HEXB: variants seen among roughly 807,000 people sequenced by gnomAD.
HEXB encodes hexosaminidase subunit beta.
HEXB carries 51 observed loss-of-function variants against 71.2 expected under a neutral mutation model. The observed-to-expected ratio is 0.72, with a 90% CI of 0.57 to 0.90. The LOEUF is 0.90. Ranked by LOEUF, HEXB falls within the 40% of genes least tolerant of loss-of-function variation. The probability of loss-of-function intolerance (pLI) is 0.00; values close to 1 mark genes in which losing one functional copy is unlikely to be tolerated. For missense variants in HEXB, 617 were observed against 677.0 expected (o/e 0.91, Z 0.98); for synonymous variants, 266 against 249.3 (o/e 1.07, Z -0.63).
At chr5:74,668,699 G>T (rs1469921720) in intron 1 of HEXB, among the ~76,000 whole-genome samples, 1 of 152,198 alleles carries the variant, frequency 6.6e-6, no homozygotes, top group Non-Finnish European at 1.5e-5. Flanking sequence ...GACACATCAA[G>T]ATACAAAGAA....
Position 74,713,601 on chromosome 5 carries a change from T to A in HEXB, c.867T>A (p.Phe289Leu), listed in dbSNP as rs756316442. ...RLRGIRVLPE[F>L]DTPGHTLSWG... The stretch of plus-strand genomic sequence containing the variant: ...GAGGAATTCGAGTCCTGCCAGAATT[T>A]GATACCCCTGGGCATACACTATCTT... Residue 289 changes from phenylalanine to leucine, a missense_variant, in exon 7 of 14, where the codon TTT becomes TTA. Phe to Leu is a conservative substitution (Grantham distance 22, BLOSUM62 0). Coordinates refer to ENST00000261416, the MANE Select transcript of HEXB (RefSeq NM_000521.4). 8 of 1,613,444 alleles carry A rather than the reference T, an allele frequency of 5.0e-6. No homozygotes were observed. In the South Asian group the frequency reaches 8.8e-5, roughly 18 times the overall value.
intron 1 of HEXB, among the ~76,000 whole-genome samples, chr5:74,677,522 T>C (rs1221978620): frequency 7.3e-6 from 1 of 137,264 alleles, no homozygotes; most frequent in African/African-American, 2.7e-5. Flanking sequence ...TTGGTACTAC[T>C]CTCAGAGGTC....
At chr5:74,682,890 G>A (rs1748765250), upstream of HEXB, among the ~76,000 whole-genome samples, 1 of 152,116 alleles carries the variant, frequency 6.6e-6, no homozygotes, top group Non-Finnish European at 1.5e-5. Flanking sequence ...ATTAACACAA[G>A]GAAAGCATAA....
At chr5:74,677,941 A>C (rs1748666431) in intron 1 of HEXB, among the ~76,000 whole-genome samples, 1 of 152,150 alleles carries the variant, frequency 6.6e-6, no homozygotes, top group African/African-American at 2.4e-5. Context: ...GAAATTTTAG[A>C]AATAAAACAA....
intron 1 of HEXB, among the ~76,000 whole-genome samples, chr5:74,658,577 A>G (rs1392603310): frequency 6.6e-6 from 1 of 152,070 alleles, no homozygotes; most frequent in Non-Finnish European, 1.5e-5. Flanking sequence ...AGTCATGCAT[A>G]TGTCTCGGGG....
Position 74,709,862 on chromosome 5 carries a change from G to T in HEXB, c.772-3644G>T, listed in dbSNP as rs534676580. 4.5e-3 allele frequency among the ~76,000 whole-genome samples: 681 copies of T among 152,118 alleles called. 8 individuals carry two copies. Among genetic ancestry groups the T allele is most frequent in the African/African-American group, 0.015 (608 of 41,476 alleles). On this transcript the variant is annotated intron_variant, in intron 6 of 13. Transcript: ENST00000261416. ...CAGCCGAATTCTACCAGAGGTACAA[G>T]GAGGAACTGGTACCATTCCTTCTGA...
At chr5:74,689,502 A>G in intron 2 of HEXB, 29 bp downstream of exon 2, 1 of 1,602,344 alleles carries the variant, frequency 6.2e-7, no homozygotes. Flanking sequence ...TGAGTGTATT[A>G]TATCCCAGGT....
chr5:74,669,002 C>T (rs1279092391), intron 1 of HEXB, among the ~76,000 whole-genome samples: 1 of 152,094 alleles, frequency 6.6e-6, no homozygotes, highest in Non-Finnish European at 1.5e-5. Flanking sequence ...GCTCTTATTG[C>T]CCAGGCTGGA....
At chr5:74,646,941 C>T (rs562534227) in intron 1 of HEXB, among the ~76,000 whole-genome samples, 22 of 152,146 alleles carry the variant, frequency 1.4e-4, no homozygotes, top group Admixed American at 2.6e-4. Flanking sequence ...AGAAATCACA[C>T]GTTTTAAAAA....
chr5:74,653,008 T>C (rs182149173), intron 1 of HEXB, among the ~76,000 whole-genome samples: 3 of 152,220 alleles, frequency 2.0e-5, no homozygotes, highest in Non-Finnish European at 2.9e-5. Flanking sequence ...ACTTTAACAT[T>C]TCTTAACTGT....
chr5:74,649,038 C>T (rs564127081), intron 1 of HEXB, among the ~76,000 whole-genome samples: 2 of 152,196 alleles, frequency 1.3e-5, no homozygotes, highest in African/African-American at 4.8e-5. Flanking sequence ...TCAAAACCAA[C>T]CCTACCGAAA....
At chr5:74,680,378 C>G (rs1039902571), upstream of HEXB, among the ~76,000 whole-genome samples, 1 of 152,098 alleles carries the variant, frequency 6.6e-6, no homozygotes, top group Admixed American at 6.5e-5. Context: ...ATTTTTGTGT[C>G]GGGGAGGAGT....
At chr5:74,716,801 G>A (rs1269582795) in intron 9 of HEXB, 128 bp downstream of exon 9, 2 of 624,226 alleles carry the variant, frequency 3.2e-6, no homozygotes, top group Non-Finnish European at 5.8e-6. Context: ...CACTAAAGGA[G>A]GCAATACCCA....
At chr5:74,672,588 A>G (rs1351193835) in intron 1 of HEXB, among the ~76,000 whole-genome samples, 5 of 151,726 alleles carry the variant, frequency 3.3e-5, no homozygotes, top group African/African-American at 1.2e-4. Context: ...CAAACTCCCC[A>G]CCTCTCTCTA....
intron 1 of HEXB, among the ~76,000 whole-genome samples, chr5:74,675,840 C>A (rs1313922191): frequency 6.6e-6 from 1 of 152,176 alleles, no homozygotes; most frequent in Non-Finnish European, 1.5e-5. Flanking sequence ...GTGGAAAGAT[C>A]TCTCCAGGCC....
intron 2 of HEXB, among the ~76,000 whole-genome samples, chr5:74,691,388 TA>T (rs1749000464): frequency 6.6e-6 from 1 of 152,200 alleles, no homozygotes; most frequent in Non-Finnish European, 1.5e-5. Context: ...AGTTTGCCTG[TA>T]ATGTGAAGAA....
At chr5:74,649,311 A>G (rs1211889626) in intron 1 of HEXB, among the ~76,000 whole-genome samples, 1 of 152,212 alleles carries the variant, frequency 6.6e-6, no homozygotes, top group East Asian at 1.9e-4. Context: ...GTGCACAATA[A>G]TAATATAAGT....
At chr5:74,660,756 G>T (rs142948440) in intron 1 of HEXB, among the ~76,000 whole-genome samples, 1 of 151,956 alleles carries the variant, frequency 6.6e-6, no homozygotes, top group African/African-American at 2.4e-5. Context: ...GATTACCACT[G>T]GAAAAAAAAC....
intron 1 of HEXB, among the ~76,000 whole-genome samples, chr5:74,658,607 C>T (rs1748262377): frequency 6.6e-6 from 1 of 152,090 alleles, no homozygotes; most frequent in African/African-American, 2.4e-5. Context: ...AACTCCTGAA[C>T]ACTGAGGCTC....
Sources: allele counts gnomAD v4.1 joint callset (sites outside exome capture counted in the v4.1 genomes callset), GRCh38; gene constraint gnomAD v4.1.1; transcripts MANE v1.5; gene names NCBI Gene and HGNC (gene_info 2026-07-23, HGNC 2026-07-21).